ATP10B: variants seen among roughly 807,000 people sequenced by gnomAD.
The protein encoded by ATP10B is phospholipid-transporting ATPase VB.
Under a neutral mutation model 141.2 loss-of-function variants are expected in ATP10B, and 122 were observed. That is an observed-to-expected ratio of 0.86 (90% CI 0.75 to 1.00). ATP10B has a LOEUF of 1.00. Ranked by LOEUF, ATP10B falls within the 50% of genes least tolerant of loss-of-function variation. The pLI is 0.00. For missense variants in ATP10B, 1,876 were observed against 1,825.3 expected, an observed-to-expected ratio of 1.03 and a Z score of -0.51; for synonymous variants, 685 against 692.0, an observed-to-expected ratio of 0.99 and a Z score of 0.16.
chr5:160,603,887 G>GT, intron 20 of ATP10B, 78 bp downstream of exon 20: 1 of 1,323,196 alleles, frequency 7.6e-7, no homozygotes, highest in South Asian at 1.2e-5. Flanking sequence ...TCAGGGAGAA[G>GT]TTTCTCCAAC....
chr5:160,647,426 C>T (rs1245471873), intron 8 of ATP10B, among the ~76,000 whole-genome samples: 1 of 152,064 alleles, frequency 6.6e-6, no homozygotes, highest in African/African-American at 2.4e-5. Context: ...TCCATGAGGC[C>T]CAGTCATGTG....
the ATP10B span, among the ~76,000 whole-genome samples, chr5:160,889,308 C>T: frequency 0.74 from 112,590 of 152,000 alleles, 43,135 homozygotes; most frequent in East Asian, 0.98. Context: ...GCTAGAGTGC[C>T]CAGCTGATAG....
intron 2 of ATP10B, among the ~76,000 whole-genome samples, chr5:160,772,772 C>A (rs1010140027): frequency 1.3e-5 from 2 of 152,118 alleles, no homozygotes; most frequent in African/African-American, 2.4e-5. Context: ...GGTTGGGGAA[C>A]CCCTGTCCTA....
intron 3 of ATP10B, among the ~76,000 whole-genome samples, chr5:160,701,100 T>C (rs1764643610): frequency 6.6e-6 from 1 of 152,098 alleles, no homozygotes; most frequent in Non-Finnish European, 1.5e-5. Flanking sequence ...GCCTCGTGAT[T>C]TGTCCCTCTG....
In ATP10B at chr5:160,589,837, C is replaced by T. The variant is rs890821593; in HGVS notation, c.3646-141G>A. 3.2e-5 allele frequency: 20 copies of T among 631,960 alleles called. 1 individual carries two copies. The highest frequency in any genetic ancestry group is 2.6e-4 in the Middle Eastern group (1 of 3,838). The allele number at this position is 631,960 out of a possible 1,614,324, so 39.1% of individuals were successfully genotyped here. On this transcript the variant is annotated intron_variant, in intron 23 of 25. Coordinates refer to ENST00000327245, the MANE Select transcript of ATP10B (RefSeq NM_025153.3). ...AGCTGCCATCTGTGTGGTACTGATC[C>T]GAGGAACAGGTCAAGGTAAGAAAGG...
At chr5:160,767,199 G>A (rs892630870) in intron 2 of ATP10B, among the ~76,000 whole-genome samples, 2 of 152,138 alleles carry the variant, frequency 1.3e-5, no homozygotes, top group Non-Finnish European at 2.9e-5. Flanking sequence ...GCTGCTCTGG[G>A]TAACGGGTTG....
intron 24 of ATP10B, among the ~76,000 whole-genome samples, 179 bp from the exon 25 acceptor site, chr5:160,569,862 G>A (rs1343768086): frequency 2.0e-5 from 3 of 152,136 alleles, no homozygotes; most frequent in Non-Finnish European, 4.4e-5. Flanking sequence ...CTGCCATGTA[G>A]AATTGAACAC....
the ATP10B span, among the ~76,000 whole-genome samples, chr5:160,903,154 T>C: frequency 7.2e-5 from 11 of 152,192 alleles, no homozygotes; most frequent in African/African-American, 2.7e-4. Flanking sequence ...TGATAGCTTA[T>C]AGACAGAGAA....
chr5:160,842,697 C>T (rs1014439844), intron 1 of ATP10B, among the ~76,000 whole-genome samples: 1 of 151,806 alleles, frequency 6.6e-6, no homozygotes, highest in Non-Finnish European at 1.5e-5. Context: ...AATAATAATT[C>T]TTCTAGGATA....
chr5:160,817,746 C>G (rs564697392), intron 1 of ATP10B, among the ~76,000 whole-genome samples: 1 of 152,346 alleles, frequency 6.6e-6, no homozygotes, highest in South Asian at 2.1e-4. Flanking sequence ...TGACTTTAAA[C>G]TATACTGCAA....
intron 2 of ATP10B, among the ~76,000 whole-genome samples, chr5:160,733,180 AAATT>A (rs1378750417): frequency 6.6e-6 from 1 of 152,166 alleles, no homozygotes; most frequent in African/African-American, 2.4e-5. Context: ...CTGCTCGGTT[AAATT>A]AATTTCTATG....
intron 24 of ATP10B, among the ~76,000 whole-genome samples, chr5:160,585,682 T>C (rs1205735655): frequency 6.6e-6 from 1 of 152,180 alleles, no homozygotes; most frequent in Non-Finnish European, 1.5e-5. Flanking sequence ...CTTTCTTGAG[T>C]AGGAGAATTT....
intron 1 of ATP10B, among the ~76,000 whole-genome samples, chr5:160,823,516 C>A (rs541692293): frequency 6.6e-6 from 1 of 152,084 alleles, no homozygotes; most frequent in East Asian, 1.9e-4. Context: ...CAAACTTGCA[C>A]GTGCTTAAAT....
At chr5:160,590,209 G>A (rs965910127) in intron 23 of ATP10B, among the ~76,000 whole-genome samples, 1 of 152,100 alleles carries the variant, frequency 6.6e-6, no homozygotes, top group Admixed American at 6.6e-5. Flanking sequence ...AACACAGACG[G>A]TTTGTAGAAC....
intron 22 of ATP10B, among the ~76,000 whole-genome samples, chr5:160,593,391 G>C (rs918934140): frequency 6.6e-6 from 1 of 152,134 alleles, no homozygotes; most frequent in African/African-American, 2.4e-5. Flanking sequence ...CAAATAGAAA[G>C]GACATCCACA....
chr5:160,736,385 A>C (rs1006324682), intron 2 of ATP10B, among the ~76,000 whole-genome samples: 3 of 152,370 alleles, frequency 2.0e-5, no homozygotes, highest in Non-Finnish European at 2.9e-5. Context: ...TTCTAGACAC[A>C]TACAACCTAC....
the ATP10B span, among the ~76,000 whole-genome samples, chr5:160,885,174 A>G: frequency 1.3e-5 from 2 of 152,258 alleles, no homozygotes; most frequent in African/African-American, 2.4e-5. Context: ...AAATGAATAC[A>G]TAAGTGAATG....
intron 2 of ATP10B, among the ~76,000 whole-genome samples, chr5:160,735,648 T>C (rs1197477631): frequency 6.6e-6 from 1 of 152,144 alleles, no homozygotes; most frequent in Non-Finnish European, 1.5e-5. Context: ...CAAATGGATC[T>C]ACTAGATAAT....
chr5:160,744,363 C>T (rs921917752), intron 2 of ATP10B, among the ~76,000 whole-genome samples: 1 of 152,174 alleles, frequency 6.6e-6, no homozygotes, highest in African/African-American at 2.4e-5. Flanking sequence ...GTTGGAACAA[C>T]TCTCTCCCTT....
Sources: allele counts gnomAD v4.1 joint callset (sites outside exome capture counted in the v4.1 genomes callset), GRCh38; gene constraint gnomAD v4.1.1; transcripts MANE v1.5; gene names NCBI Gene and HGNC (gene_info 2026-07-23, HGNC 2026-07-21).